The following IL31RA variants were observed in gnomAD, a reference collection of about 807,000 sequenced individuals.
The protein encoded by IL31RA is interleukin-31 receptor subunit alpha.
IL31RA carries 66 observed loss-of-function variants against 83.7 expected under a neutral mutation model. The observed-to-expected ratio is 0.79, with a 90% CI of 0.65 to 0.97. The LOEUF (loss-of-function observed/expected upper bound fraction) is 0.97, where lower values mean the gene tolerates loss of function less well. Ranked by LOEUF, IL31RA falls within the 50% of genes least tolerant of loss-of-function variation. The pLI, the probability that IL31RA is intolerant of heterozygous loss-of-function variation, is 0.00. For synonymous variants in IL31RA, 325 were observed against 329.0 expected, an observed-to-expected ratio of 0.99 and a Z score of 0.13; for missense variants, 798 against 919.4, an observed-to-expected ratio of 0.87 and a Z score of 1.71.
the IL31RA span, among the ~76,000 whole-genome samples, chr5:55,841,577 T>A: frequency 6.6e-6 from 1 of 152,230 alleles, no homozygotes. Context: ...TCACCCTTGC[T>A]TCTCTCTTTG....
At chr5:55,891,977 G>A (rs776662239) in intron 6 of IL31RA, among the ~76,000 whole-genome samples, 12 of 151,640 alleles carry the variant, frequency 7.9e-5, no homozygotes, top group Admixed American at 3.3e-4. Flanking sequence ...GAGTTTCACC[G>A]TGTTAGCCAG....
chr5:55,890,123 A>G lies in IL31RA; in HGVS notation c.760A>G (p.Thr254Ala). Reference sequence around the variant, plus strand: ...CTGGAGCCAAGAAAAAATGGGAATGACTGAGGAAGAAGGCAAGCTACTCCC... The same window carrying G: ...CTGGAGCCAAGAAAAAATGGGAATGGCTGAGGAAGAAGGCAAGCTACTCCC... ...SDWSQEKMGMTEEEAPCGLEL... is the reference protein window; with the variant it reads ...SDWSQEKMGMAEEEAPCGLEL... Residue 254 changes from threonine (T) to alanine (A), a missense_variant, in exon 6 of 15, where the codon ACT becomes GCT. Thr to Ala is a moderately conservative substitution (Grantham distance 58). Coordinates refer to ENST00000652347, the MANE Select transcript of IL31RA (RefSeq NM_139017.7). The G allele has an allele frequency of 6.2e-7, 1 of 1,613,790 alleles. No homozygotes were observed. Among genetic ancestry groups the G allele is most frequent in the South Asian group, 1.1e-5 (1 of 91,066 alleles).
chr5:55,843,597 A>G, the IL31RA span, among the ~76,000 whole-genome samples: 1 of 152,058 alleles, frequency 6.6e-6, no homozygotes, highest in Non-Finnish European at 1.5e-5. Flanking sequence ...GGATTCTTCT[A>G]TTTCCCATTG....
At chr5:55,865,041 C>T (rs978919861) in intron 2 of IL31RA, among the ~76,000 whole-genome samples, 4 of 152,198 alleles carry the variant, frequency 2.6e-5, no homozygotes, top group Admixed American at 6.5e-5. Flanking sequence ...TCTTGTAGGA[C>T]TTTGCACTTC....
At chr5:55,879,521 C>T (rs926828648) in intron 4 of IL31RA, among the ~76,000 whole-genome samples, 1 of 146,962 alleles carries the variant, frequency 6.8e-6, no homozygotes, top group African/African-American at 2.5e-5. Flanking sequence ...CAACCTCCGC[C>T]TCCCAGGTTC....
intron 2 of IL31RA, among the ~76,000 whole-genome samples, chr5:55,867,090 T>C (rs956518725): frequency 6.1e-5 from 5 of 81,956 alleles, no homozygotes; most frequent in South Asian, 5.1e-4. Flanking sequence ...TGTGTTTGTG[T>C]GTGTGTGTTT....
rs186996884 is a variant in IL31RA at position 55,921,017 on chromosome 5, C to T, written c.*3897C>T. ...AATTATCTTATAATGCGCAGAACAGCCCTCACAACAAAGAATTATCTGGCA... is the reference window on the plus strand; with the variant it reads ...AATTATCTTATAATGCGCAGAACAGTCCTCACAACAAAGAATTATCTGGCA... On this transcript the variant is annotated 3_prime_UTR_variant, in exon 15 of 15. Coordinates refer to ENST00000652347, the MANE Select transcript of IL31RA (RefSeq NM_139017.7). 2.0e-4 allele frequency among the ~76,000 whole-genome samples: 30 copies of T among 152,278 alleles called. No homozygotes were observed. Among genetic ancestry groups the T allele is most frequent in the African/African-American group, 7.2e-4 (30 of 41,538 alleles).
At chr5:55,848,408 G>A (rs1365165850), upstream of IL31RA, among the ~76,000 whole-genome samples, 1 of 152,090 alleles carries the variant, frequency 6.6e-6, no homozygotes, top group East Asian at 1.9e-4. Context: ...GGCTTTGGCT[G>A]GAAGTTCTTT....
At chr5:55,843,130 G>A in the IL31RA span, among the ~76,000 whole-genome samples, 6 of 152,244 alleles carry the variant, frequency 3.9e-5, no homozygotes, top group East Asian at 7.7e-4. Context: ...AGCCATGGTC[G>A]ATGCAGTTAG....
At chr5:55,876,932 T>A (rs1244631251) in intron 4 of IL31RA, among the ~76,000 whole-genome samples, 1 of 152,056 alleles carries the variant, frequency 6.6e-6, no homozygotes, top group East Asian at 1.9e-4. Flanking sequence ...TGCTGATCTG[T>A]GTATTTGGGT....
intron 6 of IL31RA, among the ~76,000 whole-genome samples, chr5:55,893,310 A>G (rs1163244676): frequency 6.6e-6 from 1 of 152,238 alleles, no homozygotes; most frequent in Non-Finnish European, 1.5e-5. Context: ...GGCTGTGGGC[A>G]TTAAATGAGA....
At position 55,920,218 on chromosome 5, in the gene IL31RA, C is replaced by T. The variant is rs1750023707; in HGVS notation, c.*3098C>T. On this transcript the variant is annotated 3_prime_UTR_variant, in exon 15 of 15. Transcript: ENST00000652347. ...CCCACAGTATGGATGCCTCCGGCTG[C>T]TCTGCTGATGCTCTGTGTGCGAGGA... 6.6e-6 allele frequency among the ~76,000 whole-genome samples: 1 copy of T among 152,190 alleles called. No individual in the cohort carries two copies. Among genetic ancestry groups the T allele is most frequent in the Non-Finnish European group, 1.5e-5 (1 of 68,040 alleles).
At chr5:55,871,719 T>C (rs905342704) in intron 3 of IL31RA, among the ~76,000 whole-genome samples, 1 of 152,164 alleles carries the variant, frequency 6.6e-6, no homozygotes, top group Admixed American at 6.5e-5. Flanking sequence ...TAAATATCTT[T>C]ATGTTTATGT....
intron 2 of IL31RA, among the ~76,000 whole-genome samples, chr5:55,864,042 A>T (rs925548313): frequency 1.3e-5 from 2 of 152,184 alleles, no homozygotes; most frequent in African/African-American, 4.8e-5. Flanking sequence ...AGCAAGAATG[A>T]AAAGGAAATA....
rs1267745696 is a variant in IL31RA, at chr5:55,913,328, G to T, written c.1643-149G>T. On this transcript the variant is annotated intron_variant, in intron 12 of 14. Transcript: ENST00000652347. The stretch of plus-strand genomic sequence containing the variant: ...GCAGGTCTCAAACTCCTGACCTGGG[G>T]TTTTTTTAGTGGAAAGAAATTGAAT... 8 of 676,102 alleles carry T rather than the reference G, an allele frequency of 1.2e-5. 1 individual carries two copies. In the South Asian group the frequency reaches 1.2e-4, roughly 10 times the overall value. The allele number at this position is 676,102 out of a possible 1,614,324, so 41.9% of individuals were successfully genotyped here. A position where few individuals can be genotyped will look rare whatever the true frequency, so the allele number is the denominator to read the frequency against.
rs562032540 is a variant in IL31RA, at chr5:55,917,843, T to C, written c.*723T>C. Among the ~76,000 whole-genome samples the C allele has an allele frequency of 7.0e-6, 1 of 143,112 alleles. No individual in the cohort carries two copies. The highest frequency in any genetic ancestry group is 2.4e-5 in the African/African-American group (1 of 41,134). 93.9% of individuals were successfully genotyped at this position (143,112 alleles called of 152,430 possible). The stretch of plus-strand genomic sequence containing the variant: ...CTCTGTCCAGTCTCCAGGGGGCCAC[T>C]TCCCAGCTGCTGCTGCCCTTCTATT... On this transcript the variant is annotated 3_prime_UTR_variant, in exon 15 of 15. Transcript: ENST00000652347.
rs1359310157 is a variant in IL31RA, at chr5:55,922,248, G to A, written c.*5128G>A. On this transcript the variant is annotated 3_prime_UTR_variant, in exon 15 of 15. Coordinates refer to ENST00000652347, the MANE Select transcript of IL31RA (RefSeq NM_139017.7). Reference sequence around the variant, plus strand: ...TATGCAGGGCTGTGCTGCCCAAGACGCTTGTCGTGTGCTGATGAAAAGGGC... The same window carrying A: ...TATGCAGGGCTGTGCTGCCCAAGACACTTGTCGTGTGCTGATGAAAAGGGC... 8 of 713,104 alleles carry A rather than the reference G, an allele frequency of 1.1e-5. No individual in the cohort carries two copies. The highest frequency in any genetic ancestry group is 2.0e-5 in the Non-Finnish European group (8 of 391,906). The allele number at this position is 713,104 out of a possible 1,614,324, so 44.2% of individuals were successfully genotyped here.
intron 4 of IL31RA, among the ~76,000 whole-genome samples, chr5:55,875,017 T>C (rs1424040244): frequency 1.3e-5 from 2 of 152,168 alleles, no homozygotes; most frequent in Non-Finnish European, 2.9e-5. Flanking sequence ...GTTTGGTAGA[T>C]ACCCATTGCA....
intron 5 of IL31RA, among the ~76,000 whole-genome samples, chr5:55,883,970 A>G (rs1747425577): frequency 1.3e-5 from 2 of 152,228 alleles, no homozygotes; most frequent in Non-Finnish European, 2.9e-5. Flanking sequence ...ATTGCTGTGT[A>G]GTATCTCATA....
Sources: gnomAD v4.1 joint callset for allele counts (sites outside exome capture counted in the v4.1 genomes callset) on GRCh38, gnomAD v4.1.1 for gene constraint, MANE v1.5 for transcripts, NCBI Gene and HGNC (gene_info 2026-07-23, HGNC 2026-07-21) for gene names.